Variants in TTC33 observed in about 807,000 individuals in gnomAD.
TTC33 encodes the protein tetratricopeptide repeat protein 33.
A neutral mutation model predicts 29.4 loss-of-function variants in TTC33; 24 were observed. The ratio of observed to expected loss-of-function variants is 0.82; its 90% CI spans 0.59 to 1.15. TTC33 has a LOEUF of 1.15. Among genes scored for constraint, TTC33 ranks in the 50% most tolerant of loss-of-function variants. The pLI, the probability that TTC33 is intolerant of heterozygous loss-of-function variation, is 0.00. For missense variants in TTC33, 286 were observed against 310.4 expected, an observed-to-expected ratio of 0.92 and a Z score of 0.59; for synonymous variants, 107 against 100.3, an observed-to-expected ratio of 1.07 and a Z score of -0.40.
chr5:40,716,173 T>C lies in TTC33; in HGVS notation c.761A>G (p.Asp254Gly). ...TEKEDGATPP[D>G]GSVFIKAR The stretch of plus-strand genomic sequence containing the variant: ...TCGGGCTTTGATAAAAACAGAGCCA[T>C]CTGGTGGTGTAGCACCATCCTCCTT... Residue 254 changes from aspartate to glycine, a missense_variant, in exon 5 of 5, where the codon GAT becomes GGT. By Grantham distance (94) the Asp-to-Gly change is moderately conservative. Transcript: ENST00000337702. The C allele has an allele frequency of 1.2e-6, 2 of 1,610,770 alleles. No individual in the cohort carries two copies. The highest frequency in any genetic ancestry group is 1.1e-5 in the South Asian group (1 of 90,846).
chr5:40,737,852 T>C (rs1430333746), intron 2 of TTC33, among the ~76,000 whole-genome samples: 1 of 152,266 alleles, frequency 6.6e-6, no homozygotes. Context: ...GTACTCTTCC[T>C]GACTTCTTTC....
At chr5:40,719,116 A>G (rs1200826309) in intron 4 of TTC33, among the ~76,000 whole-genome samples, 1 of 152,196 alleles carries the variant, frequency 6.6e-6, no homozygotes. Context: ...TTTAAAACAT[A>G]CAATTCAATA....
chr5:40,722,439 G>A (rs545241940), intron 4 of TTC33, among the ~76,000 whole-genome samples: 19 of 150,204 alleles, frequency 1.3e-4, no homozygotes, highest in Non-Finnish European at 2.2e-4. Context: ...CTTCCCGGCC[G>A]TCATCCAGTC....
In TTC33 at chr5:40,738,432, AAAT is replaced by A. The variant is rs1561151001; in HGVS notation, c.222-8092_222-8090del. On this transcript the variant is annotated intron_variant, in intron 2 of 4. Coordinates refer to ENST00000337702, the MANE Select transcript of TTC33 (RefSeq NM_012382.3). ...TCCATCTCAAAAATAAAATAAAATA[AAAT>A]ATAAAATAAAATACAATACAATACA... Among the ~76,000 whole-genome samples the A allele has an allele frequency of 9.5e-4, 131 of 137,780 alleles. 1 individual carries two copies. Among genetic ancestry groups the A allele is most frequent in the African/African-American group, 3.5e-3 (128 of 36,740 alleles). The allele number at this position is 137,780 out of a possible 152,430, so 90.4% of individuals were successfully genotyped here.
intron 4 of TTC33, among the ~76,000 whole-genome samples, chr5:40,722,823 G>A (rs1199764791): frequency 6.6e-6 from 1 of 150,784 alleles, no homozygotes; most frequent in East Asian, 2.0e-4. Context: ...GGTGGGGGGC[G>A]CAGCCCCCAC....
chr5:40,745,751 A>G (rs368418593), intron 2 of TTC33, among the ~76,000 whole-genome samples: 1 of 151,342 alleles, frequency 6.6e-6, no homozygotes, highest in African/African-American at 2.4e-5. Flanking sequence ...TTGTTTATTT[A>G]TTTGACAGGG....
chr5:40,723,844 G>A (rs138267688), intron 4 of TTC33, among the ~76,000 whole-genome samples: 11,118 of 151,910 alleles, frequency 0.073, 441 homozygotes, highest in Non-Finnish European at 0.077. Flanking sequence ...CAGCCTGGGC[G>A]ACAGAGCAAG....
At chr5:40,745,011 A>G (rs1360480516) in intron 2 of TTC33, among the ~76,000 whole-genome samples, 1 of 152,228 alleles carries the variant, frequency 6.6e-6, no homozygotes, top group Non-Finnish European at 1.5e-5. Flanking sequence ...GTTTACAAGA[A>G]ACACATGAGA....
In TTC33 at chr5:40,716,315, C is replaced by T. The variant is rs1389148453; in HGVS notation, c.619G>A (p.Glu207Lys). The T allele has an allele frequency of 6.2e-7, 1 of 1,614,202 alleles. No homozygotes were observed. The highest frequency in any genetic ancestry group is 1.3e-5 in the African/African-American group (1 of 75,054). The change falls in exon 5 of 5, where the codon GAA becomes AAA. Residue 207 changes from glutamate (E) to lysine (K), a missense_variant. Glu to Lys is a moderately conservative substitution (Grantham distance 56). Transcript: ENST00000337702. Reference protein sequence around the residue: ...SPKSIPDYDFESDEIVAVCAA... With the variant: ...SPKSIPDYDFKSDEIVAVCAA... ...CAAACAGCAACAATCTCATCACTTT[C>T]AAAGTCATAGTCTGGAATTGACTTT...
rs561016796 is a variant in TTC33, at chr5:40,727,864, A to C, written c.435+481T>G. Among the ~76,000 whole-genome samples, 136 of 152,348 alleles carry C rather than the reference A, an allele frequency of 8.9e-4. 1 individual carries two copies. The highest frequency in any genetic ancestry group is 1.1e-3 in the Non-Finnish European group (74 of 68,020). ...GATATAATTAGTGTCTATAATAAAAAAGATGTTCAGTAATACCTGTGAACT... is the reference window on the plus strand; with the variant it reads ...GATATAATTAGTGTCTATAATAAAACAGATGTTCAGTAATACCTGTGAACT... On this transcript the variant is annotated intron_variant, in intron 4 of 4. Transcript: ENST00000337702.
At chr5:40,729,691 T>C (rs1281102544) in intron 3 of TTC33, among the ~76,000 whole-genome samples, 1 of 152,114 alleles carries the variant, frequency 6.6e-6, no homozygotes, top group Non-Finnish European at 1.5e-5. Context: ...TTTTTATTTA[T>C]TTTTTATTTA....
chr5:40,721,849 A>G (rs967769984), intron 4 of TTC33, among the ~76,000 whole-genome samples: 36 of 152,208 alleles, frequency 2.4e-4, no homozygotes, highest in Admixed American at 8.5e-4. Context: ...AACAACCACC[A>G]GAGTAAAAGG....
At chr5:40,720,532 A>T (rs1742106654) in intron 4 of TTC33, among the ~76,000 whole-genome samples, 1 of 152,236 alleles carries the variant, frequency 6.6e-6, no homozygotes, top group Non-Finnish European at 1.5e-5. Context: ...AATTTAAGAT[A>T]GTTTAAAATC....
Position 40,714,798 on chromosome 5 carries a change from C to G in TTC33, c.*1347G>C, listed in dbSNP as rs2111855411. ...AACCATCTTCATAAAAAATGTAGAT[C>G]ATTACTTATAAGCTCCAACAGTAGT... On this transcript the variant is annotated 3_prime_UTR_variant, in exon 5 of 5. Coordinates refer to ENST00000337702, the MANE Select transcript of TTC33 (RefSeq NM_012382.3). The G allele has an allele frequency of 6.6e-6, 1 of 152,294 alleles. No individual in the cohort carries two copies. The highest frequency in any genetic ancestry group is 1.9e-4 in the East Asian group (1 of 5,326). 9.4% of individuals were successfully genotyped at this position (152,294 alleles called of 1,614,324 possible).
At chr5:40,748,090 G>C (rs1742831017) in intron 1 of TTC33, among the ~76,000 whole-genome samples, 2 of 152,084 alleles carry the variant, frequency 1.3e-5, no homozygotes. Context: ...GCCTCCCAAA[G>C]TTCTGAGATA....
chr5:40,730,163 G>T, intron 3 of TTC33, 99 bp downstream of exon 3: 1 of 876,996 alleles, frequency 1.1e-6, no homozygotes, highest in South Asian at 1.8e-5. Flanking sequence ...ATTTGTAAAA[G>T]AAAATGGGAG....
At chr5:40,737,347 T>G (rs1178517130) in intron 2 of TTC33, among the ~76,000 whole-genome samples, 2 of 149,990 alleles carry the variant, frequency 1.3e-5, no homozygotes, top group East Asian at 1.9e-4. Flanking sequence ...CTACAGGTGA[T>G]GCACAAGAGT....
At chr5:40,741,505 G>C (rs1742694313) in intron 2 of TTC33, among the ~76,000 whole-genome samples, 1 of 152,160 alleles carries the variant, frequency 6.6e-6, no homozygotes. Context: ...AAGACTCAAA[G>C]GGACCTCATA....
intron 3 of TTC33, among the ~76,000 whole-genome samples, chr5:40,729,423 C>T (rs1344071203): frequency 2.6e-5 from 4 of 152,170 alleles, no homozygotes; most frequent in African/African-American, 9.7e-5. Context: ...ATAACCTATT[C>T]AAGTGCTCAA....
Sources: allele counts gnomAD v4.1 joint callset (sites outside exome capture counted in the v4.1 genomes callset), GRCh38; gene constraint gnomAD v4.1.1; transcripts MANE v1.5; gene names NCBI Gene and HGNC (gene_info 2026-07-23, HGNC 2026-07-21).